Variants in CSMD1 observed in about 807,000 individuals in gnomAD.
CSMD1 encodes CUB and sushi domain-containing protein 1.
In CSMD1, 213 loss-of-function variants were observed where a neutral mutation model predicts 417.5. The ratio of observed to expected loss-of-function variants is 0.51; its 90% CI spans 0.46 to 0.57. The LOEUF (loss-of-function observed/expected upper bound fraction) is 0.57, where lower values mean the gene tolerates loss of function less well. Among genes scored for constraint, CSMD1 ranks in the 20% least tolerant of loss-of-function variants. The pLI is 0.00. For synonymous variants in CSMD1, 2,862 were observed against 1,736.8 expected (o/e 1.65, Z -16.11); for missense variants, 6,923 against 4,529.7 (o/e 1.53, Z -15.17).
chr8:4,367,120 A>T (rs112704104), intron 3 of CSMD1, among the ~76,000 whole-genome samples: 12 of 152,280 alleles, frequency 7.9e-5, no homozygotes, highest in African/African-American at 2.9e-4. Flanking sequence ...TTGTTTACCA[A>T]GGCCAATGTT....
intron 3 of CSMD1, among the ~76,000 whole-genome samples, chr8:4,295,957 G>A (rs1008697571): frequency 6.6e-6 from 1 of 151,254 alleles, no homozygotes. Context: ...TCACTCTGTA[G>A]AACATTTTCC....
chr8:3,396,632 C>T (rs112110016), intron 16 of CSMD1, among the ~76,000 whole-genome samples: 2 of 152,004 alleles, frequency 1.3e-5, no homozygotes, highest in Non-Finnish European at 2.9e-5. Flanking sequence ...CAAGAGGAGG[C>T]CTTTATTCAG....
intron 1 of CSMD1, among the ~76,000 whole-genome samples, chr8:4,662,914 A>G (rs1416771836): frequency 6.6e-6 from 1 of 152,190 alleles, no homozygotes; most frequent in Non-Finnish European, 1.5e-5. Flanking sequence ...ACAAAAAGAG[A>G]GAAAGAAAAA....
chr8:3,756,718 T>G (rs1208847715), intron 5 of CSMD1, among the ~76,000 whole-genome samples: 2 of 152,218 alleles, frequency 1.3e-5, no homozygotes, highest in Non-Finnish European at 2.9e-5. Flanking sequence ...AATCAATGCT[T>G]GTTTTGTTGC....
chr8:3,567,770 C>G (rs1046414511), intron 10 of CSMD1, among the ~76,000 whole-genome samples: 1 of 152,294 alleles, frequency 6.6e-6, no homozygotes, highest in Admixed American at 6.5e-5. Context: ...GCCCCCTTCC[C>G]TCACACCCTC....
chr8:4,220,296 G>T (rs1045603124), intron 3 of CSMD1, among the ~76,000 whole-genome samples: 1 of 152,140 alleles, frequency 6.6e-6, no homozygotes, highest in Non-Finnish European at 1.5e-5. Context: ...TCCTGACAAG[G>T]TTATTTGACT....
intron 5 of CSMD1, among the ~76,000 whole-genome samples, chr8:3,909,509 G>A (rs74863938): frequency 6.6e-6 from 1 of 152,224 alleles, no homozygotes; most frequent in East Asian, 1.9e-4. Flanking sequence ...CCAGAAGCAG[G>A]AATGTTCCCA....
intron 8 of CSMD1, among the ~76,000 whole-genome samples, chr8:3,595,196 A>G (rs929093883): frequency 2.0e-4 from 31 of 152,192 alleles, no homozygotes; most frequent in African/African-American, 7.0e-4. Context: ...CACGATCCTA[A>G]TAAGCAAGAC....
chr8:3,970,686 G>C (rs1013568922), intron 5 of CSMD1, among the ~76,000 whole-genome samples: 2 of 152,142 alleles, frequency 1.3e-5, no homozygotes, highest in Non-Finnish European at 2.9e-5. Flanking sequence ...CTAATAAAAT[G>C]TATATTTATA....
rs757731232 is a variant in CSMD1, at chr8:3,596,469, C to G, written c.1098-10209G>C. On this transcript the variant is annotated intron_variant, in intron 8 of 69. Coordinates refer to ENST00000635120, the MANE Select transcript of CSMD1 (RefSeq NM_033225.6). ...GAGAACGAGAGACTCAGAGGGCCCT[C>G]TGCTCAGCATCATGGGATGCTGGAT... Among the ~76,000 whole-genome samples the G allele has an allele frequency of 1.2e-4, 18 of 152,288 alleles. 1 individual carries two copies. Among genetic ancestry groups the G allele is most frequent in the Non-Finnish European group, 2.5e-4 (17 of 68,030 alleles).
intron 1 of CSMD1, among the ~76,000 whole-genome samples, chr8:4,683,990 T>A (rs940294528): frequency 2.6e-5 from 4 of 152,226 alleles, no homozygotes; most frequent in Admixed American, 6.5e-5. Flanking sequence ...ATATTCAGTA[T>A]CACTGACTGA....
At chr8:3,535,395 C>T (rs1798154424) in intron 10 of CSMD1, among the ~76,000 whole-genome samples, 1 of 152,132 alleles carries the variant, frequency 6.6e-6, no homozygotes, top group Admixed American at 6.5e-5. Flanking sequence ...AGTGTGAACC[C>T]TGACACCTGC....
intron 39 of CSMD1, among the ~76,000 whole-genome samples, chr8:3,157,521 TG>T (rs1819608573): frequency 6.6e-6 from 1 of 152,212 alleles, no homozygotes; most frequent in Admixed American, 6.5e-5. Flanking sequence ...CCTGGGAACT[TG>T]TTTTTTCTGA....
intron 46 of CSMD1, among the ~76,000 whole-genome samples, chr8:3,098,505 T>A (rs1166576393): frequency 4.6e-5 from 7 of 152,196 alleles, no homozygotes; most frequent in Admixed American, 3.3e-4. Flanking sequence ...ACTCTTTAAA[T>A]AACATATATT....
At chr8:4,562,462 G>C (rs900217153) in intron 2 of CSMD1, among the ~76,000 whole-genome samples, 2 of 152,124 alleles carry the variant, frequency 1.3e-5, no homozygotes, top group African/African-American at 2.4e-5. Context: ...TCAAACTGTA[G>C]AGATTGAATT....
chr8:3,822,814 T>G (rs369558005), intron 5 of CSMD1, among the ~76,000 whole-genome samples: 1 of 152,264 alleles, frequency 6.6e-6, no homozygotes, highest in South Asian at 2.1e-4. Flanking sequence ...AACTTTGGGC[T>G]TATTTTTTTT....
chr8:3,917,351 C>T (rs1316191373), intron 5 of CSMD1, among the ~76,000 whole-genome samples: 1 of 151,988 alleles, frequency 6.6e-6, no homozygotes, highest in African/African-American at 2.4e-5. Flanking sequence ...ATATACAGTC[C>T]ACTCACTTTG....
At chr8:4,886,788 T>G (rs1448241357) in intron 1 of CSMD1, among the ~76,000 whole-genome samples, 2 of 152,078 alleles carry the variant, frequency 1.3e-5, no homozygotes, top group Non-Finnish European at 2.9e-5. Context: ...GGCATAAATT[T>G]ATTCTTAAAA....
At chr8:4,068,653 G>A (rs1003513498) in intron 3 of CSMD1, among the ~76,000 whole-genome samples, 2 of 151,804 alleles carry the variant, frequency 1.3e-5, no homozygotes, top group Non-Finnish European at 2.9e-5. Flanking sequence ...GTGAGTTTAA[G>A]ATAAAAAAAA....
Sources: allele counts gnomAD v4.1 joint callset (sites outside exome capture counted in the v4.1 genomes callset), GRCh38; gene constraint gnomAD v4.1.1; transcripts MANE v1.5; gene names NCBI Gene and HGNC (gene_info 2026-07-23, HGNC 2026-07-21).